MBD5: variants seen among roughly 807,000 people sequenced by gnomAD.
The protein encoded by MBD5 is methyl-CpG binding domain protein 5.
MBD5 carries 13 observed loss-of-function variants against 117.3 expected under a neutral mutation model. That is an observed-to-expected ratio of 0.11 (90% CI 0.07 to 0.18). The LOEUF (loss-of-function observed/expected upper bound fraction) is 0.18, where lower values mean the gene tolerates loss of function less well. Ranked by LOEUF, MBD5 falls within the 10% of genes least tolerant of loss-of-function variation. MBD5 has a pLI of 1.00. For missense variants in MBD5, 1,879 were observed against 2,093.8 expected (o/e 0.90, Z 2.00); for synonymous variants, 727 against 766.4 (o/e 0.95, Z 0.85).
rs1697303359 is a variant in MBD5, at chr2:148,141,156, G to A, written c.-924-37544G>A. 3.9e-5 allele frequency among the ~76,000 whole-genome samples: 6 copies of A among 152,180 alleles called. No homozygotes were observed. In the South Asian group the frequency reaches 1.2e-3, roughly 32 times the overall value. On this transcript the variant is annotated intron_variant, in intron 1 of 13. Transcript: ENST00000642680. ...TTTCACAATGTCAGACTAGGTGAATGTATTTATGAAGTATCCTTGAGATTG... is the reference window on the plus strand; with the variant it reads ...TTTCACAATGTCAGACTAGGTGAATATATTTATGAAGTATCCTTGAGATTG...
chr2:148,164,020 C>G (rs1698070955), intron 1 of MBD5, among the ~76,000 whole-genome samples: 1 of 152,100 alleles, frequency 6.6e-6, no homozygotes, highest in South Asian at 2.1e-4. Context: ...GTAGTGTTTA[C>G]TATTTTTCTA....
At chr2:148,230,541 C>A (rs921504092) in intron 2 of MBD5, among the ~76,000 whole-genome samples, 5 of 152,168 alleles carry the variant, frequency 3.3e-5, no homozygotes, top group African/African-American at 1.2e-4. Flanking sequence ...GCTCTGACCC[C>A]TGTGGCTCAG....
chr2:148,343,191 C>T (rs184689888), intron 4 of MBD5, among the ~76,000 whole-genome samples: 2 of 151,916 alleles, frequency 1.3e-5, no homozygotes, highest in African/African-American at 4.8e-5. Context: ...TGGGCACCTA[C>T]GTAGATTATG....
intron 1 of MBD5, among the ~76,000 whole-genome samples, chr2:148,023,627 G>C (rs1180945493): frequency 6.6e-6 from 1 of 152,084 alleles, no homozygotes; most frequent in Non-Finnish European, 1.5e-5. Flanking sequence ...AACTTTAAAG[G>C]TAAGAGAGAG....
At position 148,337,187 on chromosome 2, in the gene MBD5, C is replaced by T. The variant is rs181235259; in HGVS notation, c.-679-5027C>T. Among the ~76,000 whole-genome samples the T allele has an allele frequency of 7.8e-4, 119 of 152,138 alleles. 1 individual carries two copies. The highest frequency in any genetic ancestry group is 6.8e-3 in the Middle Eastern group (2 of 294). ...CCAAACTCTTTCCTGCCTAGTAGCC[C>T]GTACCTTATTTATTTGCATGAGAAA... On this transcript the variant is annotated intron_variant, in intron 3 of 13. Transcript: ENST00000642680.
chr2:148,030,654 G>T (rs1039528696), intron 1 of MBD5, among the ~76,000 whole-genome samples: 1 of 152,148 alleles, frequency 6.6e-6, no homozygotes, highest in Non-Finnish European at 1.5e-5. Context: ...TGGGAAGGTT[G>T]ACGAATTCTT....
intron 12 of MBD5, 53 bp from the exon 13 acceptor site, chr2:148,510,007 G>C (rs1682169025): frequency 1.5e-6 from 2 of 1,353,272 alleles, no homozygotes; most frequent in South Asian, 1.2e-5. Flanking sequence ...AAATTAAATT[G>C]AGTTTTGTTT....
At chr2:148,181,798 T>C (rs1698540473) in intron 2 of MBD5, among the ~76,000 whole-genome samples, 1 of 152,156 alleles carries the variant, frequency 6.6e-6, no homozygotes, top group African/African-American at 2.4e-5. Context: ...TTATGCATGA[T>C]GTTCTTTAAG....
intron 1 of MBD5, among the ~76,000 whole-genome samples, chr2:148,162,113 C>T (rs918549640): frequency 1.3e-5 from 2 of 152,218 alleles, no homozygotes; most frequent in Admixed American, 6.5e-5. Flanking sequence ...AGACCTTAAG[C>T]AGTGATTGGC....
chr2:148,456,914 G>A (rs1706901463), intron 4 of MBD5, among the ~76,000 whole-genome samples: 2 of 152,068 alleles, frequency 1.3e-5, no homozygotes, highest in Non-Finnish European at 2.9e-5. Context: ...TTACTGCAAG[G>A]TGGTCTCCTG....
Position 148,093,066 on chromosome 2 carries a change from C to T in MBD5, c.-925+71382C>T, listed in dbSNP as rs954410983. The stretch of plus-strand genomic sequence containing the variant: ...TCGCGTAGGTGGGATTACATGCCAC[C>T]ACGGCCAGCTGATTTTTGTATTTTT... On this transcript the variant is annotated intron_variant, in intron 1 of 13. Transcript: ENST00000642680. Among the ~76,000 whole-genome samples, 4 of 152,032 alleles carry T rather than the reference C, an allele frequency of 2.6e-5. No individual in the cohort carries two copies. The South Asian group carries it at 8.3e-4, about 32-fold the overall frequency.
At chr2:148,151,811 G>A (rs182265076) in intron 1 of MBD5, among the ~76,000 whole-genome samples, 8,233 of 151,436 alleles carry the variant, frequency 0.054, 249 homozygotes, top group African/African-American at 0.077. Flanking sequence ...TTTTTATTGC[G>A]TCTATTTGAT....
chr2:148,504,306 G>A (rs989964263), intron 12 of MBD5, among the ~76,000 whole-genome samples: 5 of 152,122 alleles, frequency 3.3e-5, no homozygotes, highest in African/African-American at 9.7e-5. Flanking sequence ...CCTTTTCGAT[G>A]CCCAGTAGAA....
At chr2:148,274,385 C>A (rs116200381) in intron 3 of MBD5, among the ~76,000 whole-genome samples, 16 of 152,040 alleles carry the variant, frequency 1.1e-4, no homozygotes, top group South Asian at 4.2e-4. Flanking sequence ...CCCAGCCCCC[C>A]ACCCCATGAC....
intron 1 of MBD5, among the ~76,000 whole-genome samples, chr2:148,081,513 C>T (rs1327216355): frequency 3.9e-5 from 6 of 152,164 alleles, no homozygotes; most frequent in African/African-American, 1.4e-4. Flanking sequence ...ATACCTTGAA[C>T]TAGCTGAGAA....
At chr2:148,211,330 T>A (rs902238877) in intron 2 of MBD5, among the ~76,000 whole-genome samples, 2 of 152,184 alleles carry the variant, frequency 1.3e-5, no homozygotes, top group Admixed American at 6.5e-5. Flanking sequence ...TTCACAGTGA[T>A]CCTATTGTAG....
At chr2:148,029,243 G>C (rs970567190) in intron 1 of MBD5, among the ~76,000 whole-genome samples, 1 of 150,342 alleles carries the variant, frequency 6.7e-6, no homozygotes, top group Non-Finnish European at 1.5e-5. Context: ...TTTTTTACTA[G>C]AAGTAATATA....
At chr2:148,285,791 T>C (rs1428348010) in intron 3 of MBD5, among the ~76,000 whole-genome samples, 1 of 152,108 alleles carries the variant, frequency 6.6e-6, no homozygotes, top group Non-Finnish European at 1.5e-5. Context: ...ACTCCTGAGC[T>C]CAAGCCATCC....
At chr2:148,087,066 T>G (rs1414610207) in intron 1 of MBD5, among the ~76,000 whole-genome samples, 2 of 152,038 alleles carry the variant, frequency 1.3e-5, no homozygotes, top group African/African-American at 4.8e-5. Context: ...GACCTGCAGC[T>G]CCCACTCGGA....
Sources: gnomAD v4.1 joint callset for allele counts (sites outside exome capture counted in the v4.1 genomes callset) on GRCh38, gnomAD v4.1.1 for gene constraint, MANE v1.5 for transcripts, NCBI Gene and HGNC (gene_info 2026-07-23, HGNC 2026-07-21) for gene names.